IPO11: variants seen among roughly 807,000 people sequenced by gnomAD.
IPO11 encodes importin 11.
Under a neutral mutation model 143.2 loss-of-function variants are expected in IPO11, and 66 were observed. The observed-to-expected ratio is 0.46, with a 90% CI of 0.38 to 0.57. IPO11 has a LOEUF of 0.57. Ranked by LOEUF, IPO11 falls within the 20% of genes least tolerant of loss-of-function variation. IPO11 has a pLI of 0.00. For synonymous variants in IPO11, 385 were observed against 377.8 expected, an observed-to-expected ratio of 1.02 and a Z score of -0.22; for missense variants, 1,026 against 1,141.0, an observed-to-expected ratio of 0.90 and a Z score of 1.45.
intron 24 of IPO11, among the ~76,000 whole-genome samples, chr5:62,538,854 G>A (rs932324202): frequency 2.0e-5 from 3 of 152,142 alleles, no homozygotes; most frequent in South Asian, 4.1e-4. Flanking sequence ...ATTCACTGTC[G>A]TAACTCTGCT....
chr5:62,626,621 C>T (rs1463562465), intron 29 of IPO11, among the ~76,000 whole-genome samples: 1 of 149,942 alleles, frequency 6.7e-6, no homozygotes, highest in Non-Finnish European at 1.5e-5. Flanking sequence ...TGAAATTACA[C>T]TCCTTTTGTT....
intron 9 of IPO11, among the ~76,000 whole-genome samples, chr5:62,480,310 G>A (rs192578348): frequency 8.5e-5 from 13 of 152,180 alleles, no homozygotes; most frequent in African/African-American, 2.9e-4. Context: ...CTCTGTTTTC[G>A]TACCAGTACC....
At chr5:62,510,999 G>T (rs1741730813) in intron 19 of IPO11, among the ~76,000 whole-genome samples, 1 of 152,180 alleles carries the variant, frequency 6.6e-6, no homozygotes, top group South Asian at 2.1e-4. Flanking sequence ...CTCGCAAAGT[G>T]CTGGGATTAC....
chr5:62,442,940 A>T, intron 2 of IPO11, 43 bp from the exon 3 acceptor site: 2 of 1,094,550 alleles, frequency 1.8e-6, no homozygotes, highest in Non-Finnish European at 1.4e-6. Flanking sequence ...TATACTTTTT[A>T]CTTATTCCAT....
intron 29 of IPO11, among the ~76,000 whole-genome samples, chr5:62,608,392 C>T (rs944878287): frequency 1.3e-5 from 2 of 152,174 alleles, no homozygotes; most frequent in African/African-American, 4.8e-5. Flanking sequence ...TTTCTAAAAG[C>T]TTCACATGTT....
Position 62,442,971 on chromosome 5 carries a change from T to G in IPO11, c.139-12T>G. 6.7e-7 allele frequency: 1 copy of G among 1,484,322 alleles called. No individual in the cohort carries two copies. The highest frequency in any genetic ancestry group is 9.3e-7 in the Non-Finnish European group (1 of 1,073,694). The allele number at this position is 1,484,322 out of a possible 1,614,324, so 91.9% of individuals were successfully genotyped here. A position where few individuals can be genotyped will look rare whatever the true frequency, so the allele number is the denominator to read the frequency against. On this transcript the variant is annotated splice_polypyrimidine_tract_variant and intron_variant, in intron 2 of 29. Transcript: ENST00000325324. Reference sequence around the variant, plus strand: ...TCCATGCTAATTCTAATATTATGTTTTTTATTTATAGAATATTTTCACCAA... The same window carrying G: ...TCCATGCTAATTCTAATATTATGTTGTTTATTTATAGAATATTTTCACCAA...
At chr5:62,545,465 C>G (rs1005501647) in intron 24 of IPO11, among the ~76,000 whole-genome samples, 2 of 152,208 alleles carry the variant, frequency 1.3e-5, no homozygotes, top group African/African-American at 4.8e-5. Flanking sequence ...GGATTAAAGA[C>G]TTAAGTGTTA....
chr5:62,585,510 G>T (rs1310968351), intron 27 of IPO11, among the ~76,000 whole-genome samples: 4 of 152,304 alleles, frequency 2.6e-5, no homozygotes, highest in South Asian at 2.1e-4. Context: ...ACAATGTGAG[G>T]CTAGGTAAGG....
At chr5:62,414,001 G>T (rs773050411) in intron 1 of IPO11, among the ~76,000 whole-genome samples, 3 of 152,152 alleles carry the variant, frequency 2.0e-5, no homozygotes, top group Non-Finnish European at 4.4e-5. Context: ...CTAGCACAGG[G>T]TATAGTAGAA....
intron 15 of IPO11, among the ~76,000 whole-genome samples, chr5:62,491,002 A>G (rs1391714243): frequency 6.6e-6 from 1 of 152,194 alleles, no homozygotes; most frequent in African/African-American, 2.4e-5. Flanking sequence ...TGAAAGGAAA[A>G]ACCTCTTTCA....
In IPO11 at chr5:62,420,219, C is replaced by T. The variant is rs923090699; in HGVS notation, c.-7+7290C>T. Among the ~76,000 whole-genome samples the T allele has an allele frequency of 5.5e-5, 8 of 146,682 alleles. No individual in the cohort carries two copies. In the East Asian group the frequency reaches 8.1e-4, roughly 15 times the overall value. ...GGCAGGAGAATTGCTTGAACCCGGG[C>T]GATGGAGGTTTCAGTGAGCCAAGAT... On this transcript the variant is annotated intron_variant, in intron 1 of 29. Coordinates refer to ENST00000325324, the MANE Select transcript of IPO11 (RefSeq NM_016338.5).
chr5:62,501,809 A>G (rs1488779570), intron 16 of IPO11, among the ~76,000 whole-genome samples: 1 of 152,206 alleles, frequency 6.6e-6, no homozygotes, highest in Non-Finnish European at 1.5e-5. Flanking sequence ...TTTTTAAATA[A>G]TTGAATTATG....
rs949662616 is a variant in IPO11 at position 62,451,884 on chromosome 5, A to G, written c.467A>G (p.Lys156Arg). 6.2e-7 allele frequency: 1 copy of G among 1,613,994 alleles called. No individual in the cohort carries two copies. The highest frequency in any genetic ancestry group is 8.5e-7 in the Non-Finnish European group (1 of 1,179,954). The change falls in exon 5 of 30, where the codon AAG becomes AGG. Residue 156 changes from lysine to arginine, a missense_variant. Coordinates refer to ENST00000325324, the MANE Select transcript of IPO11 (RefSeq NM_016338.5). ...TTACTTACCTTCTATCATGTTACCAAGACACTGGCATCTAAACGACTTGCT... is the reference window on the plus strand; with the variant it reads ...TTACTTACCTTCTATCATGTTACCAGGACACTGGCATCTAAACGACTTGCT... ...RALLTFYHVT[K>R]TLASKRLAAD... is the part of the protein sequence containing the mutation.
intron 10 of IPO11, 115 bp from the exon 11 acceptor site, chr5:62,483,895 A>G: frequency 1.2e-6 from 1 of 842,616 alleles, no homozygotes; most frequent in Non-Finnish European, 1.8e-6. Flanking sequence ...ATGAAAATTT[A>G]TACACAAGTG....
intron 16 of IPO11, 108 bp downstream of exon 16, chr5:62,494,232 C>A: frequency 2.2e-6 from 2 of 892,264 alleles, no homozygotes; most frequent in Non-Finnish European, 3.2e-6. Context: ...TATGGCCTTT[C>A]ACTGCACTAG....
intron 3 of IPO11, among the ~76,000 whole-genome samples, chr5:62,448,023 T>A (rs1410336991): frequency 6.6e-6 from 1 of 152,212 alleles, no homozygotes; most frequent in African/African-American, 2.4e-5. Flanking sequence ...CCTCACACTT[T>A]GTTTTCTGTG....
intron 5 of IPO11, among the ~76,000 whole-genome samples, chr5:62,466,106 G>C (rs1482732129): frequency 2.6e-5 from 4 of 152,162 alleles, no homozygotes; most frequent in Non-Finnish European, 1.5e-5. Context: ...AGATGGTCTT[G>C]TAAGTTTCTT....
chr5:62,489,737 T>C (rs1315654981), intron 14 of IPO11, among the ~76,000 whole-genome samples: 2 of 152,184 alleles, frequency 1.3e-5, no homozygotes, highest in East Asian at 3.8e-4. Context: ...AGAATTTGAA[T>C]TGTGACTATT....
chr5:62,520,559 T>G (rs955556786), intron 20 of IPO11, among the ~76,000 whole-genome samples: 1 of 152,176 alleles, frequency 6.6e-6, no homozygotes, highest in Non-Finnish European at 1.5e-5. Flanking sequence ...GTGTGTGATG[T>G]TCCCCACCCT....
Sources: allele counts gnomAD v4.1 joint callset (sites outside exome capture counted in the v4.1 genomes callset), GRCh38; gene constraint gnomAD v4.1.1; transcripts MANE v1.5; gene names NCBI Gene and HGNC (gene_info 2026-07-23, HGNC 2026-07-21).